SYNE1: variants seen among roughly 807,000 people sequenced by gnomAD.
The protein encoded by SYNE1 is nesprin-1.
SYNE1 carries 616 observed loss-of-function variants against 1,111.0 expected under a neutral mutation model. That is an observed-to-expected ratio of 0.55 (90% CI 0.52 to 0.59). The LOEUF is 0.59. Among genes scored for constraint, SYNE1 ranks in the 20% least tolerant of loss-of-function variants. The probability of loss-of-function intolerance (pLI) is 0.00; values close to 1 mark genes in which losing one functional copy is unlikely to be tolerated. For synonymous variants in SYNE1, 3,855 were observed against 3,825.8 expected (o/e 1.01, Z -0.28); for missense variants, 10,006 against 10,417.0 (o/e 0.96, Z 1.72).
chr6:152,203,143 AT>A (rs555209728), intron 126 of SYNE1, among the ~76,000 whole-genome samples: 7 of 152,214 alleles, frequency 4.6e-5, no homozygotes, highest in Non-Finnish European at 1.0e-4. Context: ...CCTCTTGAGA[AT>A]ATAGGAGAAT....
chr6:152,463,508 G>T lies in SYNE1; in HGVS notation c.1942C>A (p.Arg648=). 1.9e-6 allele frequency: 3 copies of T among 1,612,428 alleles called. No homozygotes were observed. Among genetic ancestry groups the T allele is most frequent in the Non-Finnish European group, 2.5e-6 (3 of 1,179,124 alleles). Residue 648 remains arginine (R), a synonymous_variant, in exon 19 of 146, where the codon CGA becomes AGA. Transcript: ENST00000367255. The part of the protein sequence containing the change: ...QSENAKKDFF[R]NLPHWIQQHT... ...TGCTGAATCCAATGAGGTAAATTTCGAAAAAAATCCTAAACAATAAATAAT... is the reference window on the plus strand; with the variant it reads ...TGCTGAATCCAATGAGGTAAATTTCTAAAAAAATCCTAAACAATAAATAAT...
chr6:152,491,007 C>G (rs62427696), intron 11 of SYNE1, among the ~76,000 whole-genome samples: 20,051 of 152,234 alleles, frequency 0.13, 1,706 homozygotes, highest in East Asian at 0.46. Context: ...TCTGTGGACA[C>G]AAAACTCCAG....
intron 90 of SYNE1, 81 bp from the exon 91 acceptor site, chr6:152,308,713 T>C: frequency 6.8e-7 from 1 of 1,472,552 alleles, no homozygotes; most frequent in Non-Finnish European, 9.2e-7. Context: ...GTAGTTTAAC[T>C]CCTATTTACC....
At chr6:152,458,329 C>T (rs1237594611) in intron 22 of SYNE1, among the ~76,000 whole-genome samples, 1 of 152,176 alleles carries the variant, frequency 6.6e-6, no homozygotes, top group Non-Finnish European at 1.5e-5. Flanking sequence ...GTGAACTTTG[C>T]ACTTTCTGTA....
chr6:152,405,518 T>C (rs549011240), intron 45 of SYNE1, among the ~76,000 whole-genome samples: 2 of 152,338 alleles, frequency 1.3e-5, no homozygotes, highest in East Asian at 1.9e-4. Context: ...AGAAGAATAA[T>C]GAAAAGTGAT....
At chr6:152,466,490 C>T (rs554332941) in intron 16 of SYNE1, among the ~76,000 whole-genome samples, 15 of 152,234 alleles carry the variant, frequency 9.9e-5, no homozygotes, top group African/African-American at 3.4e-4. Flanking sequence ...CTCTGAGGAA[C>T]TCCAGATTAT....
chr6:152,210,474 T>G (rs1242728955), intron 124 of SYNE1, among the ~76,000 whole-genome samples: 3 of 152,182 alleles, frequency 2.0e-5, no homozygotes, highest in Non-Finnish European at 2.9e-5. Context: ...TTACTTAGAG[T>G]AGAATAAATA....
At position 152,331,958 on chromosome 6, in the gene SYNE1, G is replaced by A; in HGVS notation, c.12795-68C>T. The A allele has an allele frequency of 1.9e-6, 3 of 1,591,022 alleles. No homozygotes were observed. In the Admixed American group the frequency reaches 5.0e-5, roughly 27 times the overall value. ...CAATATCGATGTTTGTTCATACTAT[G>A]CTAAATTACACTTCACCATTTTCTT... is the stretch of plus-strand genomic sequence containing the variant. On this transcript the variant is annotated intron_variant, in intron 77 of 145. Transcript: ENST00000367255.
chr6:152,417,112 G>T (rs2098166364), intron 40 of SYNE1, 97 bp from the exon 41 acceptor site: 7 of 1,542,046 alleles, frequency 4.5e-6, no homozygotes, highest in Non-Finnish European at 6.2e-6. Context: ...TATTTTAGGT[G>T]CCATGGATAG....
In SYNE1 at chr6:152,524,357, C is replaced by T. The variant is rs143928413; in HGVS notation, c.225+1723G>A. On this transcript the variant is annotated intron_variant, in intron 5 of 145. Coordinates refer to ENST00000367255, the MANE Select transcript of SYNE1 (RefSeq NM_182961.4). ...TTGTATGATGTATCACATTTATTGA[C>T]TTGCATATGTCAATAAACACTTAGA... Among the ~76,000 whole-genome samples the T allele has an allele frequency of 2.1e-3, 325 of 152,132 alleles. 1 individual carries two copies. Among genetic ancestry groups the T allele is most frequent in the African/African-American group, 7.6e-3 (316 of 41,530 alleles).
intron 85 of SYNE1, 23 bp downstream of exon 85, chr6:152,318,839 AC>A (rs2095801470): frequency 1.9e-6 from 3 of 1,613,702 alleles, no homozygotes; most frequent in Non-Finnish European, 2.5e-6. Context: ...ATTCAGTAGT[AC>A]CCTTTAAAAT....
chr6:152,212,908 G>C (rs973877688), intron 123 of SYNE1, among the ~76,000 whole-genome samples: 1 of 151,980 alleles, frequency 6.6e-6, no homozygotes, highest in Non-Finnish European at 1.5e-5. Flanking sequence ...AAATACCTTA[G>C]ATATCTTTAA....
intron 64 of SYNE1, among the ~76,000 whole-genome samples, chr6:152,359,776 C>CCT (rs2096900443): frequency 6.6e-6 from 1 of 151,986 alleles, no homozygotes; most frequent in Non-Finnish European, 1.5e-5. Context: ...TCACCCTATC[C>CCT]CTATTCTACC....
chr6:152,131,191 T>C (rs1373597395), intron 144 of SYNE1, among the ~76,000 whole-genome samples: 5 of 152,184 alleles, frequency 3.3e-5, no homozygotes, highest in Non-Finnish European at 5.9e-5. Context: ...GAAATAACAA[T>C]GGCAATATGA....
Position 152,242,448 on chromosome 6 carries a change from G to A in SYNE1, c.19693-8C>T, listed in dbSNP as rs1223540003. The A allele has an allele frequency of 1.2e-6, 2 of 1,613,686 alleles. No individual in the cohort carries two copies. The highest frequency in any genetic ancestry group is 1.3e-5 in the African/African-American group (1 of 74,842). On this transcript the variant is annotated splice_region_variant and splice_polypyrimidine_tract_variant and intron_variant, in intron 106 of 145. Transcript: ENST00000367255. ...CAGCTCATCATACATGTCCTAAGAA[G>A]CAGAGACCACAAGACTCACTCTCAA...
intron 115 of SYNE1, among the ~76,000 whole-genome samples, chr6:152,227,610 T>C (rs911047739): frequency 5.3e-5 from 8 of 152,200 alleles, no homozygotes; most frequent in Non-Finnish European, 1.0e-4. Flanking sequence ...TTAGAACTTT[T>C]CTATTTCTGT....
chr6:152,636,953 C>G (rs1196833509), intron 1 of SYNE1, 148 bp from the exon 2 acceptor site: 1 of 152,570 alleles, frequency 6.6e-6, no homozygotes, highest in East Asian at 1.9e-4. Context: ...TTCCTCCTCC[C>G]GGCTGCTCGC....
In SYNE1 at chr6:152,462,871, A is replaced by T. The variant is rs781427493; in HGVS notation, c.2117T>A (p.Met706Lys). ...EVKQYAQADEMDRMKKEYTDC... is the reference protein window; with the variant it reads ...EVKQYAQADEKDRMKKEYTDC... ...TGTGTATTCCTTCTTCATTCTGTCC[A>T]TCTCATCAGCTTGAGCATACTGTTA... The change falls in exon 20 of 146, where the codon ATG becomes AAG. Residue 706 changes from methionine (M) to lysine (K), a missense_variant. Met to Lys is a moderately conservative substitution (Grantham distance 95, BLOSUM62 -1). Transcript: ENST00000367255. The T allele has an allele frequency of 6.2e-7, 1 of 1,613,940 alleles. No homozygotes were observed. Among genetic ancestry groups the T allele is most frequent in the Admixed American group, 1.7e-5 (1 of 59,990 alleles).
chr6:152,253,827 T>TGTTTG (rs2090088450), intron 104 of SYNE1, among the ~76,000 whole-genome samples: 2 of 57,566 alleles, frequency 3.5e-5, no homozygotes, highest in African/African-American at 2.7e-4. Context: ...GGTTTTTTTT[T>TGTTTG]TTTTTTTTTT....
Sources: allele counts gnomAD v4.1 joint callset (sites outside exome capture counted in the v4.1 genomes callset), GRCh38; gene constraint gnomAD v4.1.1; transcripts MANE v1.5; gene names NCBI Gene and HGNC (gene_info 2026-07-23, HGNC 2026-07-21).